Variants in CADPS observed in about 807,000 individuals in gnomAD.
CADPS encodes calcium dependent secretion activator.
Under a neutral mutation model 167.3 loss-of-function variants are expected in CADPS, and 57 were observed. The observed-to-expected ratio is 0.34, with a 90% CI of 0.28 to 0.42. The LOEUF is 0.42. Among genes scored for constraint, CADPS ranks in the 20% least tolerant of loss-of-function variants. The probability of loss-of-function intolerance (pLI) is 1.00; values close to 1 mark genes in which losing one functional copy is unlikely to be tolerated. For synonymous variants in CADPS, 676 were observed against 635.3 expected, an observed-to-expected ratio of 1.06 and a Z score of -0.96; for missense variants, 1,414 against 1,738.1, an observed-to-expected ratio of 0.81 and a Z score of 3.32.
At chr3:62,486,276 C>T (rs2062800302) in intron 21 of CADPS, among the ~76,000 whole-genome samples, 1 of 151,750 alleles carries the variant, frequency 6.6e-6, no homozygotes, top group South Asian at 2.1e-4. Flanking sequence ...GAAACCCTGC[C>T]CCACTAAAAA....
At chr3:62,453,316 C>T (rs920018681) in intron 26 of CADPS, among the ~76,000 whole-genome samples, 5 of 151,302 alleles carry the variant, frequency 3.3e-5, no homozygotes, top group African/African-American at 1.2e-4. Flanking sequence ...AGCCATGTGC[C>T]GATATGACTT....
At position 62,416,686 on chromosome 3, in the gene CADPS, G is replaced by A. The variant is rs1445268341; in HGVS notation, c.3778-13501C>T. Among the ~76,000 whole-genome samples, 10 of 152,242 alleles carry A rather than the reference G, an allele frequency of 6.6e-5. No individual in the cohort carries two copies. In the East Asian group the frequency reaches 1.5e-3, roughly 24 times the overall value. ...GCCTCCCAGCTGCAGGAAAAGTTATGTTTCCCACTCAGGTCTCCAGCTATG... is the reference window on the plus strand; with the variant it reads ...GCCTCCCAGCTGCAGGAAAAGTTATATTTCCCACTCAGGTCTCCAGCTATG... On this transcript the variant is annotated intron_variant, in intron 28 of 29. Transcript: ENST00000383710.
At chr3:62,445,720 A>AAC (rs2057101392) in intron 27 of CADPS, 45 bp downstream of exon 27, 1 of 1,389,812 alleles carries the variant, frequency 7.2e-7, no homozygotes, top group Non-Finnish European at 9.8e-7. Flanking sequence ...ATGAAAAAAA[A>AAC]AAAAAACAAA....
chr3:62,491,558 AACACAC>A (rs35911391), intron 20 of CADPS, 78 bp from the exon 21 acceptor site: 44 of 526,708 alleles, frequency 8.4e-5, no homozygotes, highest in South Asian at 4.0e-4. Flanking sequence ...CACACACACA[AACACAC>A]ACACACACAC....
intron 6 of CADPS, among the ~76,000 whole-genome samples, chr3:62,603,637 T>C (rs1340121810): frequency 6.6e-6 from 1 of 152,154 alleles, no homozygotes; most frequent in Non-Finnish European, 1.5e-5. Context: ...AAGAGCCTGG[T>C]ATTTGATTTT....
At chr3:62,404,649 T>C (rs1252613686) in intron 28 of CADPS, 1 of 152,052 alleles carries the variant, frequency 6.6e-6, no homozygotes, top group Non-Finnish European at 1.5e-5. Context: ...GAGACCACAC[T>C]ACCCCAATCG....
intron 6 of CADPS, among the ~76,000 whole-genome samples, chr3:62,599,883 A>AT (rs1481020525): frequency 1.3e-5 from 1 of 78,424 alleles, no homozygotes; most frequent in African/African-American, 5.6e-5. Context: ...TATATAATAT[A>AT]TATATATTAT....
intron 2 of CADPS, among the ~76,000 whole-genome samples, chr3:62,763,482 G>A (rs2086062028): frequency 6.6e-6 from 1 of 152,184 alleles, no homozygotes. Context: ...AGTTAATTGA[G>A]GAAATAAATC....
In CADPS at chr3:62,773,899, T is replaced by C. The variant is rs186551835; in HGVS notation, c.442-7915A>G. On this transcript the variant is annotated intron_variant, in intron 1 of 29. Transcript: ENST00000383710. ...GGTCAATTTTAAAATTATTTAATAA[T>C]AGACCAATCAGCATGCTATTCCTAA... Among the ~76,000 whole-genome samples the C allele has an allele frequency of 2.2e-3, 334 of 152,306 alleles. 1 individual carries two copies. Among genetic ancestry groups the C allele is most frequent in the African/African-American group, 7.6e-3 (315 of 41,566 alleles).
intron 1 of CADPS, chr3:62,779,201 C>T (rs1178114200): frequency 1.9e-5 from 5 of 259,006 alleles, no homozygotes; most frequent in Admixed American, 1.4e-4. Context: ...GCCTTTGGAG[C>T]TGGTGCTTTT....
At chr3:62,807,283 C>T (rs1244822687) in intron 1 of CADPS, among the ~76,000 whole-genome samples, 17 of 142,684 alleles carry the variant, frequency 1.2e-4, no homozygotes, top group African/African-American at 2.9e-4. Flanking sequence ...TTTTTTGAGA[C>T]GTAGTTTTGC....
chr3:62,433,348 C>T lies in CADPS; in HGVS notation c.3777+4756G>A, dbSNP rs541174112. On this transcript the variant is annotated intron_variant, in intron 28 of 29. Transcript: ENST00000383710. The surrounding 1 kb of genome is among the most constrained non-coding windows in gnomAD (Gnocchi z 4.7). ...ATGGAACAGCAAATTAAAATCCGTG[C>T]GAGGCAAAGAATACTGAGTAGCAGC... 9.2e-5 allele frequency among the ~76,000 whole-genome samples: 14 copies of T among 152,142 alleles called. No individual in the cohort carries two copies. The highest frequency in any genetic ancestry group is 3.4e-4 in the African/African-American group (14 of 41,512).
intron 13 of CADPS, among the ~76,000 whole-genome samples, chr3:62,526,053 G>A (rs2072103579): frequency 6.6e-6 from 1 of 152,102 alleles, no homozygotes; most frequent in East Asian, 1.9e-4. Context: ...GAGAAGTCAA[G>A]GATGGCTCTT....
At chr3:62,853,496 G>A (rs1020552408) in intron 1 of CADPS, among the ~76,000 whole-genome samples, 4 of 151,770 alleles carry the variant, frequency 2.6e-5, no homozygotes, top group South Asian at 2.1e-4. Flanking sequence ...ATGGTGGCAG[G>A]TGCCTGTAAT....
At chr3:62,857,612 T>C (rs1037262547) in intron 1 of CADPS, among the ~76,000 whole-genome samples, 4 of 152,010 alleles carry the variant, frequency 2.6e-5, no homozygotes, top group African/African-American at 9.7e-5. Context: ...AAAAAGTAGG[T>C]TGCAAAGCAA....
intron 11 of CADPS, among the ~76,000 whole-genome samples, chr3:62,548,506 T>C (rs1252206687): frequency 6.6e-6 from 1 of 152,236 alleles, no homozygotes; most frequent in Non-Finnish European, 1.5e-5. Context: ...AGACAGAATT[T>C]GTGATCCAAA....
intron 1 of CADPS, among the ~76,000 whole-genome samples, chr3:62,794,739 G>C (rs2093252580): frequency 1.6e-5 from 2 of 126,582 alleles, no homozygotes; most frequent in Admixed American, 9.0e-5. Context: ...GTGGGCTAGA[G>C]AATCTGTTGT....
At chr3:62,741,386 CA>C (rs2080210802) in intron 3 of CADPS, among the ~76,000 whole-genome samples, 1 of 152,134 alleles carries the variant, frequency 6.6e-6, no homozygotes, top group Admixed American at 6.6e-5. Context: ...AAAATACTGG[CA>C]AACTGAGTCC....
chr3:62,729,341 G>T (rs985132809), intron 3 of CADPS, among the ~76,000 whole-genome samples: 1 of 151,884 alleles, frequency 6.6e-6, no homozygotes, highest in Non-Finnish European at 1.5e-5. Flanking sequence ...TTGTCAGGGA[G>T]TGGAAGGATA....
Sources: gnomAD v4.1 joint callset for allele counts (sites outside exome capture counted in the v4.1 genomes callset) on GRCh38, gnomAD v4.1.1 for gene constraint, Gnocchi (gnomAD v3.1) non-coding constraint, MANE v1.5 for transcripts, NCBI Gene and HGNC (gene_info 2026-07-23, HGNC 2026-07-21) for gene names.